SLAMF6: variants seen among roughly 807,000 people sequenced by gnomAD.
SLAMF6 encodes the protein NK-T-B-antigen.
SLAMF6 carries 21 observed loss-of-function variants against 38.3 expected under a neutral mutation model. The observed-to-expected ratio is 0.55, with a 90% CI of 0.39 to 0.79. The LOEUF is 0.79. Ranked by LOEUF, SLAMF6 falls within the 30% of genes least tolerant of loss-of-function variation. The pLI is 0.00. For missense variants in SLAMF6, 341 were observed against 385.3 expected, an observed-to-expected ratio of 0.89 and a Z score of 0.96; for synonymous variants, 152 against 146.3, an observed-to-expected ratio of 1.04 and a Z score of -0.28.
Position 160,491,128 on chromosome 1 carries a change from C to T in SLAMF6, c.643G>A (p.Glu215Lys), listed in dbSNP as rs747168600. Residue 215 changes from glutamate to lysine, a missense_variant, in exon 3 of 8, where the codon GAA (glutamate) becomes AAA (lysine). Transcript: ENST00000368057. ...CAGACCTGAGGCAGGCTGTTACCTT[C>T]GCAAAGCTTCTGGGCAGAGACAGAG... ...SFSVSAQKLCEDVKIQYTDTK... is the reference protein window; with the variant it reads ...SFSVSAQKLCKDVKIQYTDTK... 2.5e-5 allele frequency: 40 copies of T among 1,613,308 alleles called. No homozygotes were observed. The highest frequency in any genetic ancestry group is 1.8e-4 in the Middle Eastern group (1 of 5,644).
In SLAMF6 at chr1:160,502,272, A is replaced by G. The variant is rs139026017; in HGVS notation, c.50-5879T>C. Among the ~76,000 whole-genome samples, 46 of 152,304 alleles carry G rather than the reference A, an allele frequency of 3.0e-4. No individual in the cohort carries two copies. The East Asian group carries it at 6.6e-3, about 22-fold the overall frequency. ...AGATTAAGAATGGGAAAGATGCCTC[A>G]TGTTGGCTACAACTCGTAGGCTGCT... On this transcript the variant is annotated intron_variant, in intron 1 of 7. Transcript: ENST00000368057.
intron 4 of SLAMF6, 38 bp from the exon 5 acceptor site, chr1:160,490,274 C>G: frequency 6.2e-7 from 1 of 1,612,430 alleles, no homozygotes; most frequent in South Asian, 1.1e-5. Flanking sequence ...TGTGTGACAG[C>G]AGTGGGAGAG....
intron 7 of SLAMF6, 103 bp from the exon 8 acceptor site, chr1:160,486,857 A>T: frequency 7.5e-7 from 1 of 1,331,142 alleles, no homozygotes; most frequent in Non-Finnish European, 1.1e-6. Context: ...AGAGGCAGAT[A>T]ATAGAGATAT....
At position 160,490,610 on chromosome 1, in the gene SLAMF6, A is replaced by C; in HGVS notation, c.722T>G (p.Ile241Ser). 1 of 1,614,000 alleles carries C rather than the reference A, an allele frequency of 6.2e-7. No individual in the cohort carries two copies. Among genetic ancestry groups the C allele is most frequent in the Non-Finnish European group, 8.5e-7 (1 of 1,179,914 alleles). Reference sequence around the variant, plus strand: ...CCTCAAAACAAGTAACAGCAGTATGATGAAACCGAAGACTATGCATATCCC... The same window carrying C: ...CCTCAAAACAAGTAACAGCAGTATGCTGAAACCGAAGACTATGCATATCCC... Reference protein sequence around the residue: ...VSGICIVFGFIILLLLVLRKR... With the variant: ...VSGICIVFGFSILLLLVLRKR... Residue 241 changes from isoleucine (I) to serine (S), a missense_variant, in exon 4 of 8, where the codon ATC (isoleucine) becomes AGC (serine). By Grantham distance (142) the Ile-to-Ser change is moderately radical. Transcript: ENST00000368057.
chr1:160,503,123 G>A (rs142210393), intron 1 of SLAMF6, among the ~76,000 whole-genome samples: 246 of 152,266 alleles, frequency 1.6e-3, no homozygotes, highest in African/African-American at 5.7e-3. Flanking sequence ...AAAGAATAAG[G>A]TTAAAGATCT....
intron 1 of SLAMF6, among the ~76,000 whole-genome samples, chr1:160,509,661 TAAAG>T (rs1449882886): frequency 2.7e-5 from 4 of 150,766 alleles, no homozygotes; most frequent in Admixed American, 2.0e-4. Context: ...ATTAAAAAAA[TAAAG>T]AAGGAGGAAA....
chr1:160,509,375 AC>A (rs1571308003), intron 1 of SLAMF6, among the ~76,000 whole-genome samples: 2 of 152,296 alleles, frequency 1.3e-5, no homozygotes, highest in Non-Finnish European at 2.9e-5. Flanking sequence ...GAAGCTGGAA[AC>A]CATCATTCTC....
At chr1:160,517,563 T>C (rs1252127882) in intron 1 of SLAMF6, among the ~76,000 whole-genome samples, 1 of 152,180 alleles carries the variant, frequency 6.6e-6, no homozygotes, top group Admixed American at 6.5e-5. Context: ...CATATGTTCA[T>C]TGCAGCACTA....
intron 1 of SLAMF6, among the ~76,000 whole-genome samples, chr1:160,510,326 G>C (rs1446989163): frequency 2.0e-5 from 3 of 152,004 alleles, no homozygotes; most frequent in Admixed American, 6.6e-5. Flanking sequence ...TATGAATATT[G>C]ATGCAAAAAC....
chr1:160,487,858 G>A (rs1653049920), intron 6 of SLAMF6, among the ~76,000 whole-genome samples: 1 of 152,158 alleles, frequency 6.6e-6, no homozygotes. Context: ...GGGAGGACGA[G>A]GCAGGCGGAT....
intron 7 of SLAMF6, 55 bp downstream of exon 7, chr1:160,487,049 A>G (rs540383935): frequency 4.2e-6 from 6 of 1,430,054 alleles, no homozygotes; most frequent in East Asian, 2.3e-5. Flanking sequence ...TTGAAAAATC[A>G]TAGGTCTGTG....
rs1653280618 is a variant in SLAMF6 at position 160,491,247 on chromosome 1, C to T, written c.524G>A (p.Ser175Asn). Residue 175 changes from serine (S) to asparagine (N), a missense_variant, in exon 3 of 8, where the codon AGT becomes AAT. By Grantham distance (46) the Ser-to-Asn change is conservative. Coordinates refer to ENST00000368057, the MANE Select transcript of SLAMF6 (RefSeq NM_001184714.2). ...CCAGGAGACAGTGAGGTTTGGCTGACTTGAAAGTGTGTTTCCCAAGGCCTC... is the reference window on the plus strand; with the variant it reads ...CCAGGAGACAGTGAGGTTTGGCTGATTTGAAAGTGTGTTTCCCAAGGCCTC... ...RWEALGNTLS[S>N]QPNLTVSWDP... is the part of the protein sequence containing the mutation. 6.2e-7 allele frequency: 1 copy of T among 1,613,988 alleles called. No homozygotes were observed. The highest frequency in any genetic ancestry group is 1.3e-5 in the African/African-American group (1 of 74,908).
rs546184459 is a variant in SLAMF6 at position 160,520,174 on chromosome 1, G to A, written c.49+2970C>T. Among the ~76,000 whole-genome samples the A allele has an allele frequency of 1.2e-4, 19 of 152,204 alleles. 1 individual carries two copies. In the East Asian group the frequency reaches 2.5e-3, roughly 20 times the overall value. On this transcript the variant is annotated intron_variant, in intron 1 of 7. Coordinates refer to ENST00000368057, the MANE Select transcript of SLAMF6 (RefSeq NM_001184714.2). ...TGGTAAAAAGTAGATAACACTGCTC[G>A]GGGGCCATCAGGTCACAATCTCTTC...
chr1:160,493,703 G>A (rs1653420796), intron 2 of SLAMF6, among the ~76,000 whole-genome samples: 1 of 152,074 alleles, frequency 6.6e-6, no homozygotes, highest in African/African-American at 2.4e-5. Context: ...TTGTTTTCAC[G>A]ATACTATAAA....
intron 1 of SLAMF6, among the ~76,000 whole-genome samples, chr1:160,515,971 C>A (rs796659294): frequency 1.3e-5 from 2 of 152,282 alleles, no homozygotes; most frequent in African/African-American, 4.8e-5. Flanking sequence ...TCTCACCACT[C>A]CTATTCAGCA....
intron 2 of SLAMF6, among the ~76,000 whole-genome samples, chr1:160,492,060 A>T (rs768259360): frequency 6.6e-5 from 10 of 152,190 alleles, no homozygotes; most frequent in Non-Finnish European, 1.3e-4. Context: ...GGGAGCAAAG[A>T]AGTGCGGCGT....
intron 2 of SLAMF6, among the ~76,000 whole-genome samples, chr1:160,493,222 C>G (rs574629695): frequency 6.6e-6 from 1 of 152,224 alleles, no homozygotes; most frequent in Non-Finnish European, 1.5e-5. Flanking sequence ...CTTGGTGTTT[C>G]TTGAGTAGTC....
intron 1 of SLAMF6, among the ~76,000 whole-genome samples, chr1:160,513,839 G>C (rs1421567697): frequency 6.6e-6 from 1 of 152,166 alleles, no homozygotes; most frequent in Non-Finnish European, 1.5e-5. Context: ...CACCAGGCTT[G>C]ACTTGCAAGA....
In SLAMF6 at chr1:160,489,073, G is replaced by A. The variant is rs370518693; in HGVS notation, c.879+15C>T. ...AAAACTGACAACAATGGCATATAAAGCTGAAAAGACTCACCCTGTTTGAAT... is the reference window on the plus strand; with the variant it reads ...AAAACTGACAACAATGGCATATAAAACTGAAAAGACTCACCCTGTTTGAAT... On this transcript the variant is annotated intron_variant, in intron 6 of 7. Coordinates refer to ENST00000368057, the MANE Select transcript of SLAMF6 (RefSeq NM_001184714.2). 4.4e-6 allele frequency: 7 copies of A among 1,602,866 alleles called. No individual in the cohort carries two copies. The highest frequency in any genetic ancestry group is 1.3e-5 in the African/African-American group (1 of 74,632).
Sources: allele counts gnomAD v4.1 joint callset (sites outside exome capture counted in the v4.1 genomes callset), GRCh38; gene constraint gnomAD v4.1.1; transcripts MANE v1.5; gene names NCBI Gene and HGNC (gene_info 2026-07-23, HGNC 2026-07-21).